Variants in TCP11L2 observed in about 807,000 individuals in gnomAD.
TCP11L2 encodes t-complex 11 like 2, also known as T-complex protein 11-like protein 2.
A neutral mutation model predicts 50.7 loss-of-function variants in TCP11L2; 39 were observed. The observed-to-expected ratio is 0.77, with a 90% CI of 0.60 to 1.01. The LOEUF (loss-of-function observed/expected upper bound fraction) is 1.01. TCP11L2 is among the 50% of genes least tolerant of loss of function. TCP11L2 has a pLI of 0.00. For synonymous variants in TCP11L2, 192 were observed against 219.3 expected (o/e 0.88, Z 1.10); for missense variants, 612 against 614.7 (o/e 1.00, Z 0.05).
chr12:106,341,085 C>A, intron 9 of TCP11L2, 87 bp downstream of exon 9: 1 of 1,110,930 alleles, frequency 9.0e-7, no homozygotes, highest in Non-Finnish European at 1.3e-6. Flanking sequence ...AAATTTTGAT[C>A]TTAAACACAT....
chr12:106,333,497 G>A (rs903462448), intron 6 of TCP11L2, among the ~76,000 whole-genome samples: 1 of 152,130 alleles, frequency 6.6e-6, no homozygotes, highest in Non-Finnish European at 1.5e-5. Context: ...TGGAAAGGGA[G>A]ACGAGAGAAC....
intron 9 of TCP11L2, 56 bp from the exon 10 acceptor site, chr12:106,346,230 T>C (rs771763531): frequency 1.4e-5 from 22 of 1,527,884 alleles, no homozygotes; most frequent in Admixed American, 2.1e-5. Context: ...TTCTTGTTTT[T>C]AAAAATTATG....
chr12:106,340,758 G>T (rs2036069171), intron 8 of TCP11L2, 68 bp from the exon 9 acceptor site: 10 of 1,348,864 alleles, frequency 7.4e-6, no homozygotes, highest in Non-Finnish European at 8.1e-6. Context: ...AAACAAGTCT[G>T]TATATTAAAA....
intron 4 of TCP11L2, among the ~76,000 whole-genome samples, chr12:106,319,876 A>G (rs2035272752): frequency 6.6e-6 from 1 of 152,254 alleles, no homozygotes; most frequent in Non-Finnish European, 1.5e-5. Context: ...GTAACTGAAT[A>G]ATCAATAAAT....
intron 4 of TCP11L2, 126 bp from the exon 5 acceptor site, chr12:106,321,360 C>A: frequency 2.6e-6 from 2 of 763,092 alleles, no homozygotes; most frequent in Non-Finnish European, 4.3e-6. Flanking sequence ...GCAGTCAGTG[C>A]CAACTTCTGT....
chr12:106,338,953 C>T (rs576546598), intron 8 of TCP11L2, among the ~76,000 whole-genome samples: 1 of 152,176 alleles, frequency 6.6e-6, no homozygotes, highest in East Asian at 1.9e-4. Context: ...CTAGTCTGCC[C>T]AAGATGGCGA....
intron 8 of TCP11L2, 139 bp from the exon 9 acceptor site, chr12:106,340,687 T>A: frequency 1.7e-6 from 1 of 592,028 alleles, no homozygotes; most frequent in Non-Finnish European, 2.7e-6. Flanking sequence ...GTTACTATTT[T>A]ATGAGTTCAT....
intron 3 of TCP11L2, among the ~76,000 whole-genome samples, chr12:106,316,908 C>A (rs892497913): frequency 2.0e-5 from 3 of 152,114 alleles, no homozygotes; most frequent in African/African-American, 7.2e-5. Context: ...AAGCAAAAGA[C>A]AGGGCATATC....
chr12:106,311,830 C>CT (rs888379355), intron 2 of TCP11L2, among the ~76,000 whole-genome samples: 25 of 145,168 alleles, frequency 1.7e-4, no homozygotes, highest in East Asian at 1.2e-3. Context: ...ATGTGTTTGC[C>CT]TTTTTTTTTT....
intron 9 of TCP11L2, among the ~76,000 whole-genome samples, chr12:106,341,667 G>C (rs7299140): frequency 6.6e-6 from 1 of 152,270 alleles, no homozygotes; most frequent in East Asian, 1.9e-4. Flanking sequence ...TAGTTTTCCC[G>C]CCTCCAGCTC....
chr12:106,339,646 T>G (rs935105408), intron 8 of TCP11L2, among the ~76,000 whole-genome samples: 2 of 152,238 alleles, frequency 1.3e-5, no homozygotes, highest in African/African-American at 4.8e-5. Flanking sequence ...GATTTTTGTA[T>G]CTGGTGAAAG....
At chr12:106,323,869 C>A in intron 6 of TCP11L2, 1 of 206,504 alleles carries the variant, frequency 4.8e-6, no homozygotes, top group Non-Finnish European at 9.3e-6. Flanking sequence ...GAATTTTGGC[C>A]TTTCTATTAA....
rs567955063 is a variant in TCP11L2, at chr12:106,334,030, A to C, written c.773-1609A>C. ...TGGTCTAGTGAGATTGAAGAGTACC[A>C]AATCAGTGGGGATTGGGTAGAGTGC... On this transcript the variant is annotated intron_variant, in intron 6 of 9. Transcript: ENST00000299045. Among the ~76,000 whole-genome samples the C allele has an allele frequency of 3.3e-5, 5 of 152,306 alleles. No homozygotes were observed. The East Asian group carries it at 9.6e-4, about 29-fold the overall frequency.
At chr12:106,325,471 C>A (rs1175942724) in intron 6 of TCP11L2, 1 of 152,230 alleles carries the variant, frequency 6.6e-6, no homozygotes, top group Non-Finnish European at 1.5e-5. Context: ...AGAAGGAAGG[C>A]ATGTTTGGAT....
chr12:106,307,795 G>A (rs561919105), intron 1 of TCP11L2, among the ~76,000 whole-genome samples: 1 of 152,242 alleles, frequency 6.6e-6, no homozygotes, highest in Non-Finnish European at 1.5e-5. Flanking sequence ...TCCCTCCAGA[G>A]TGTTTAATTC....
At position 106,312,256 on chromosome 12, in the gene TCP11L2, CAT is replaced by C. The variant is rs367600478; in HGVS notation, c.157+1025_157+1026del. The C allele has an allele frequency of 7.7e-3, 2,425 of 313,900 alleles. 35 individuals carry two copies. The highest frequency in any genetic ancestry group is 0.014 in the African/African-American group (366 of 26,836). 19.4% of individuals were successfully genotyped at this position (313,900 alleles called of 1,614,324 possible). A position where few individuals can be genotyped will look rare whatever the true frequency, so the allele number is the denominator to read the frequency against. ...GATTAATCACTGGACATTTAGTTTC[CAT>C]TTTTTTTTTTTTTTTTTTTTGCTGT... On this transcript the variant is annotated intron_variant, in intron 2 of 9. Transcript: ENST00000299045.
At chr12:106,302,524 C>T (rs924855451), upstream of TCP11L2, among the ~76,000 whole-genome samples, 6 of 151,576 alleles carry the variant, frequency 4.0e-5, no homozygotes, top group African/African-American at 1.5e-4. Context: ...ACCCCGCCCC[C>T]GGCAGCCCGG....
intron 6 of TCP11L2, chr12:106,329,207 A>C: frequency 8.3e-7 from 1 of 1,202,692 alleles, no homozygotes. Flanking sequence ...TCTCGAGTGC[A>C]GGGACTGTGC....
At chr12:106,313,413 T>C (rs2034933653) in intron 2 of TCP11L2, among the ~76,000 whole-genome samples, 1 of 152,010 alleles carries the variant, frequency 6.6e-6, no homozygotes, top group Admixed American at 6.5e-5. Flanking sequence ...AAACACCGTC[T>C]CTAATAAAAA....
Sources: gnomAD v4.1 joint callset for allele counts (sites outside exome capture counted in the v4.1 genomes callset) on GRCh38, gnomAD v4.1.1 for gene constraint, MANE v1.5 for transcripts, NCBI Gene and HGNC (gene_info 2026-07-23, HGNC 2026-07-21) for gene names.